IFNA2: variants seen among roughly 807,000 people sequenced by gnomAD.
The protein encoded by IFNA2 is interferon alpha 2.
For missense variants in IFNA2, 260 were observed against 210.3 expected, an observed-to-expected ratio of 1.24 and a Z score of -1.46; for synonymous variants, 91 against 80.7, an observed-to-expected ratio of 1.13 and a Z score of -0.68.
In IFNA2 at chr9:21,384,813, A is replaced by C. The variant is rs1820858958; in HGVS notation, c.517T>G (p.Ser173Ala). ...WEVVRAEIMR[S>A]FSLSTNLQES... ...TGCAAGTTTGTTGACAAAGAAAAAG[A>C]TCTCATGATTTCTGCTCTGACAACC... Residue 173 changes from serine (S) to alanine (A), a missense_variant, in exon 1 of 1, where the codon TCT becomes GCT. Transcript: ENST00000380206. The C allele has an allele frequency of 1.2e-6, 2 of 1,613,234 alleles. No homozygotes were observed. Among genetic ancestry groups the C allele is most frequent in the Non-Finnish European group, 8.5e-7 (1 of 1,179,710 alleles).
chr9:21,385,065 G>C lies in IFNA2; in HGVS notation c.265C>G (p.Leu89Val), dbSNP rs1307216345. The C allele has an allele frequency of 1.2e-6, 2 of 1,613,974 alleles. No homozygotes were observed. Among genetic ancestry groups the C allele is most frequent in the Non-Finnish European group, 8.5e-7 (1 of 1,179,948 alleles). The change falls in exon 1 of 1, where the codon CTC (leucine) becomes GTC (valine). Residue 89 changes from leucine (L) to valine (V), a missense_variant. Leu to Val is a conservative substitution (Grantham distance 32). Transcript: ENST00000380206. ...LHEMIQQIFN[L>V]FSTKDSSAAW... is the part of the protein sequence containing the mutation. ...GCAGATGAGTCCTTTGTGCTGAAGA[G>C]ATTGAAGATCTGCTGGATCATCTCA...
rs1820872538 is a variant in IFNA2 at position 21,385,380 on chromosome 9, C to T, written c.-51G>A. ...CTGGTTGAAATGGGTGAGCCTAAAC[C>T]TTAGGCTCCAGGTTCTCTGAAGACC... On this transcript the variant is annotated 5_prime_UTR_variant, in exon 1 of 1. Coordinates refer to ENST00000380206, the MANE Select transcript of IFNA2 (RefSeq NM_000605.4). 1 of 1,434,418 alleles carries T rather than the reference C, an allele frequency of 7.0e-7. No homozygotes were observed. Among genetic ancestry groups the T allele is most frequent in the Non-Finnish European group, 9.5e-7 (1 of 1,051,606 alleles). 88.9% of individuals were successfully genotyped at this position (1,434,418 alleles called of 1,614,324 possible).
In IFNA2 at chr9:21,385,239, T is replaced by A; in HGVS notation, c.91A>T (p.Ser31Cys). ...ATCAAGGTCCTCCTGCTACCCAGGC[T>A]GTGGGTTTGAGGCAGATCACAGCCC... ...SVGCDLPQTHSLGSRRTLMLL... is the reference protein window; with the variant it reads ...SVGCDLPQTHCLGSRRTLMLL... The change falls in exon 1 of 1, where the codon AGC becomes TGC. Residue 31 changes from serine to cysteine, a missense_variant. Transcript: ENST00000380206. 6.2e-7 allele frequency: 1 copy of A among 1,614,012 alleles called. No individual in the cohort carries two copies. Among genetic ancestry groups the A allele is most frequent in the Admixed American group, 1.7e-5 (1 of 59,978 alleles).
Position 21,385,248 on chromosome 9 carries a change from G to T in IFNA2, c.82C>A (p.Gln28Lys), listed in dbSNP as rs1228885106. 2 of 1,613,870 alleles carry T rather than the reference G, an allele frequency of 1.2e-6. No individual in the cohort carries two copies. The change falls in exon 1 of 1, where the codon CAA becomes AAA. Residue 28 changes from glutamine to lysine, a missense_variant. By Grantham distance (53) the Gln-to-Lys change is moderately conservative (BLOSUM62 1). Coordinates refer to ENST00000380206, the MANE Select transcript of IFNA2 (RefSeq NM_000605.4). ...CTCCTGCTACCCAGGCTGTGGGTTTGAGGCAGATCACAGCCCACAGAGCAG... is the reference window on the plus strand; with the variant it reads ...CTCCTGCTACCCAGGCTGTGGGTTTTAGGCAGATCACAGCCCACAGAGCAG... ...SSCSVGCDLP[Q>K]THSLGSRRTL...
In IFNA2 at chr9:21,384,702, A is replaced by G; in HGVS notation, c.*61T>C. ...GAAACATGAGTCTTTGAAATGGCAG[A>G]TCATAAAAAGGTGAGCTGGCATACG... On this transcript the variant is annotated 3_prime_UTR_variant, in exon 1 of 1. Coordinates refer to ENST00000380206, the MANE Select transcript of IFNA2 (RefSeq NM_000605.4). The G allele has an allele frequency of 6.9e-7, 1 of 1,449,874 alleles. No homozygotes were observed. The highest frequency in any genetic ancestry group is 9.3e-7 in the Non-Finnish European group (1 of 1,069,628). 89.8% of individuals were successfully genotyped at this position (1,449,874 alleles called of 1,614,324 possible).
Position 21,385,396 on chromosome 9 carries a change from T to C in IFNA2, c.-67A>G. 7.7e-7 allele frequency: 1 copy of C among 1,297,856 alleles called. No homozygotes were observed. The highest frequency in any genetic ancestry group is 1.5e-5 in the African/African-American group (1 of 67,384). The allele number at this position is 1,297,856 out of a possible 1,614,324, so 80.4% of individuals were successfully genotyped here. A position where few individuals can be genotyped will look rare whatever the true frequency, so the allele number is the denominator to read the frequency against. On this transcript the variant is annotated 5_prime_UTR_variant, in exon 1 of 1. Transcript: ENST00000380206. ...AGCCTAAACCTTAGGCTCCAGGTTC[T>C]CTGAAGACCTTGCTTTGTGCCTAGC...
chr9:21,385,103 A>G lies in IFNA2; in HGVS notation c.227T>C (p.Ile76Thr). The part of the protein sequence containing the change: ...FGNQFQKAET[I>T]PVLHEMIQQI... ...CTGGATCATCTCATGGAGGACAGGG[A>G]TGGTTTCAGCCTTTTGGAACTGGTT... Residue 76 changes from isoleucine to threonine, a missense_variant, in exon 1 of 1, where the codon ATC (isoleucine) becomes ACC (threonine). By Grantham distance (89) the Ile-to-Thr change is moderately conservative. Transcript: ENST00000380206. 6.2e-7 allele frequency: 1 copy of G among 1,613,932 alleles called. No homozygotes were observed. Among genetic ancestry groups the G allele is most frequent in the Non-Finnish European group, 8.5e-7 (1 of 1,179,968 alleles).
chr9:21,385,091 T>A lies in IFNA2; in HGVS notation c.239A>T (p.His80Leu). 6.2e-7 allele frequency: 1 copy of A among 1,614,016 alleles called. No individual in the cohort carries two copies. Among genetic ancestry groups the A allele is most frequent in the Middle Eastern group, 1.7e-4 (1 of 6,060 alleles). ...ATTGAAGATCTGCTGGATCATCTCA[T>A]GGAGGACAGGGATGGTTTCAGCCTT... is the stretch of plus-strand genomic sequence containing the variant. ...FQKAETIPVL[H>L]EMIQQIFNLF... The change falls in exon 1 of 1, where the codon CAT (histidine) becomes CTT (leucine). Residue 80 changes from histidine to leucine, a missense_variant. By Grantham distance (99) the His-to-Leu change is moderately conservative. Transcript: ENST00000380206.
rs1303933527 is a variant in IFNA2 at position 21,384,892 on chromosome 9, G to C, written c.438C>G (p.Phe146Leu). ...CTTTCAGATAGAGAGTGATTCTTTG[G>C]AAGTATTTCCTCACAGCCAGAATGG... is the stretch of plus-strand genomic sequence containing the variant. Reference protein sequence around the residue: ...EDSILAVRKYFQRITLYLKEK... With the variant: ...EDSILAVRKYLQRITLYLKEK... Residue 146 changes from phenylalanine to leucine, a missense_variant, in exon 1 of 1, where the codon TTC becomes TTG. By Grantham distance (22) the Phe-to-Leu change is conservative. Transcript: ENST00000380206. The C allele has an allele frequency of 6.2e-7, 1 of 1,614,014 alleles. No homozygotes were observed. The highest frequency in any genetic ancestry group is 8.5e-7 in the Non-Finnish European group (1 of 1,179,948).
chr9:21,384,726 C>A lies in IFNA2; in HGVS notation c.*37G>T. On this transcript the variant is annotated 3_prime_UTR_variant, in exon 1 of 1. Transcript: ENST00000380206. ...GATCATAAAAAGGTGAGCTGGCATA[C>A]GAATCAATGAAAATCATTTCCATGT... The A allele has an allele frequency of 6.5e-7, 1 of 1,536,522 alleles. No individual in the cohort carries two copies. The highest frequency in any genetic ancestry group is 8.8e-7 in the Non-Finnish European group (1 of 1,135,538).
rs537205729 is a variant in IFNA2, at chr9:21,384,539, T to C, written c.*224A>G. 219 of 175,512 alleles carry C rather than the reference T, an allele frequency of 1.2e-3. 2 individuals carry two copies. Among genetic ancestry groups the C allele is most frequent in the Admixed American group, 0.011 (177 of 15,882 alleles). The allele number at this position is 175,512 out of a possible 1,614,324, so 10.9% of individuals were successfully genotyped here. ...TTATAAATAGTTAAATAAATAATAT[T>C]TTAAAAATATTTAAATAGATAATGG... On this transcript the variant is annotated 3_prime_UTR_variant, in exon 1 of 1. Coordinates refer to ENST00000380206, the MANE Select transcript of IFNA2 (RefSeq NM_000605.4).
rs955370787 is a variant in IFNA2 at position 21,384,666 on chromosome 9, T to C, written c.*97A>G. 8.1e-7 allele frequency: 1 copy of C among 1,241,728 alleles called. No homozygotes were observed. 76.9% of individuals were successfully genotyped at this position (1,241,728 alleles called of 1,614,324 possible). The stretch of plus-strand genomic sequence containing the variant: ...ATTTGAAAAGATTTAAATCGTGTCA[T>C]GGTCATAGCAGAAACATGAGTCTTT... On this transcript the variant is annotated 3_prime_UTR_variant, in exon 1 of 1. Transcript: ENST00000380206.
rs1820868776 is a variant in IFNA2 at position 21,385,199 on chromosome 9, A to T, written c.131T>A (p.Met44Lys). Reference protein sequence around the residue: ...SRRTLMLLAQMRRISLFSCLK... With the variant: ...SRRTLMLLAQKRRISLFSCLK... ...GCAGGAGAAAAGAGAGATTCTCCTC[A>T]TCTGTGCCAGGAGCATCAAGGTCCT... Residue 44 changes from methionine (M) to lysine (K), a missense_variant, in exon 1 of 1, where the codon ATG (methionine) becomes AAG (lysine). Met to Lys is a moderately conservative substitution (Grantham distance 95). Coordinates refer to ENST00000380206, the MANE Select transcript of IFNA2 (RefSeq NM_000605.4). 1 of 1,613,882 alleles carries T rather than the reference A, an allele frequency of 6.2e-7. No individual in the cohort carries two copies. The highest frequency in any genetic ancestry group is 8.5e-7 in the Non-Finnish European group (1 of 1,179,992).
At position 21,385,215 on chromosome 9, in the gene IFNA2, T is replaced by G. The variant is rs1379436630; in HGVS notation, c.115A>C (p.Met39Leu). 6.2e-7 allele frequency: 1 copy of G among 1,613,882 alleles called. No individual in the cohort carries two copies. The highest frequency in any genetic ancestry group is 8.5e-7 in the Non-Finnish European group (1 of 1,180,004). The change falls in exon 1 of 1, where the codon ATG becomes CTG. Residue 39 changes from methionine to leucine, a missense_variant. Coordinates refer to ENST00000380206, the MANE Select transcript of IFNA2 (RefSeq NM_000605.4). ...ATTCTCCTCATCTGTGCCAGGAGCA[T>G]CAAGGTCCTCCTGCTACCCAGGCTG... ...THSLGSRRTL[M>L]LLAQMRRISL... is the part of the protein sequence containing the mutation.
chr9:21,384,843 A>G lies in IFNA2; in HGVS notation c.487T>C (p.Trp163Arg). ...ATGATTTCTGCTCTGACAACCTCCC[A>G]GGCACAAGGGCTGTATTTCTTCTCT... ...LKEKKYSPCA[W>R]EVVRAEIMRS... Residue 163 changes from tryptophan to arginine, a missense_variant, in exon 1 of 1, where the codon TGG becomes CGG. Physicochemically the swap from Trp to Arg is moderately radical, Grantham distance 101. Transcript: ENST00000380206. 1.2e-6 allele frequency: 2 copies of G among 1,614,016 alleles called. No individual in the cohort carries two copies. The highest frequency in any genetic ancestry group is 1.1e-5 in the South Asian group (1 of 91,068).
rs1820854712 is a variant in IFNA2, at chr9:21,384,567, C to T, written c.*196G>A. On this transcript the variant is annotated 3_prime_UTR_variant, in exon 1 of 1. Transcript: ENST00000380206. ...AAAAATATTTAAATAGATAATGGAT[C>T]AGTCAGCATGGTCCTCTGTAAGGGA... 1 of 258,188 alleles carries T rather than the reference C, an allele frequency of 3.9e-6. No individual in the cohort carries two copies. The highest frequency in any genetic ancestry group is 2.3e-5 in the African/African-American group (1 of 44,318). 16.0% of individuals were successfully genotyped at this position (258,188 alleles called of 1,614,324 possible). A position where few individuals can be genotyped will look rare whatever the true frequency, so the allele number is the denominator to read the frequency against.
rs1430494731 is a variant in IFNA2, at chr9:21,384,746, C to T, written c.*17G>A. The T allele has an allele frequency of 1.9e-6, 3 of 1,571,830 alleles. No individual in the cohort carries two copies. The highest frequency in any genetic ancestry group is 1.4e-5 in the African/African-American group (1 of 73,026). On this transcript the variant is annotated 3_prime_UTR_variant, in exon 1 of 1. Transcript: ENST00000380206. ...GCATACGAATCAATGAAAATCATTTCCATGTTGAACCAGTTTTCATTCCTT... is the reference window on the plus strand; with the variant it reads ...GCATACGAATCAATGAAAATCATTTTCATGTTGAACCAGTTTTCATTCCTT...
rs768203716 is a variant in IFNA2 at position 21,385,342 on chromosome 9, A to C, written c.-13T>G. ...AGGTCAAGGCCATTGTAGATGTTGC[A>C]GATGCTGCTAGACTGGTTGAAATGG... is the stretch of plus-strand genomic sequence containing the variant. On this transcript the variant is annotated 5_prime_UTR_variant, in exon 1 of 1. Transcript: ENST00000380206. 87 of 1,598,788 alleles carry C rather than the reference A, an allele frequency of 5.4e-5. No individual in the cohort carries two copies. The highest frequency in any genetic ancestry group is 7.3e-5 in the Non-Finnish European group (86 of 1,172,632).
Position 21,384,644 on chromosome 9 carries a change from T to C in IFNA2, c.*119A>G, listed in dbSNP as rs534189778. 357 of 1,102,990 alleles carry C rather than the reference T, an allele frequency of 3.2e-4. No individual in the cohort carries two copies. The highest frequency in any genetic ancestry group is 6.5e-4 in the Admixed American group (23 of 35,574). 68.3% of individuals were successfully genotyped at this position (1,102,990 alleles called of 1,614,324 possible). A position where few individuals can be genotyped will look rare whatever the true frequency, so the allele number is the denominator to read the frequency against. On this transcript the variant is annotated 3_prime_UTR_variant, in exon 1 of 1. Transcript: ENST00000380206. ...GTTGATTAATACTCCTAAAAACATT[T>C]GAAAAGATTTAAATCGTGTCATGGT...
Sources: allele counts gnomAD v4.1 joint callset, GRCh38; gene constraint gnomAD v4.1.1; transcripts MANE v1.5; gene names NCBI Gene and HGNC (gene_info 2026-07-23, HGNC 2026-07-21).